The following C8orf34 variants were observed in gnomAD, a reference collection of about 807,000 sequenced individuals.
C8orf34 encodes uncharacterized protein C8orf34.
Under a neutral mutation model 68.3 loss-of-function variants are expected in C8orf34, and 65 were observed. The observed-to-expected ratio is 0.95, with a 90% confidence interval of 0.78 to 1.17. The LOEUF (loss-of-function observed/expected upper bound fraction) is 1.17. C8orf34 is among the 50% of genes most tolerant of loss of function. The probability of loss-of-function intolerance (pLI) is 0.00; values close to 1 mark genes in which losing one functional copy is unlikely to be tolerated. For synonymous variants in C8orf34, 244 were observed against 241.2 expected (o/e 1.01, Z -0.11); for missense variants, 664 against 655.4 (o/e 1.01, Z -0.14).
chr8:68,347,896 C>T (rs1356865674), intron 1 of C8orf34, among the ~76,000 whole-genome samples: 2 of 151,888 alleles, frequency 1.3e-5, no homozygotes, highest in Non-Finnish European at 2.9e-5. Flanking sequence ...AATATTTTCT[C>T]CCCGCTCTGT....
At chr8:68,716,045 C>T (rs1419555244) in intron 9 of C8orf34, among the ~76,000 whole-genome samples, 1 of 151,928 alleles carries the variant, frequency 6.6e-6, no homozygotes, top group Admixed American at 6.6e-5. Flanking sequence ...GACTATTATT[C>T]TAAGGAGAGT....
At chr8:68,583,974 CT>C (rs1817137426) in intron 7 of C8orf34, among the ~76,000 whole-genome samples, 1 of 151,874 alleles carries the variant, frequency 6.6e-6, no homozygotes, top group Non-Finnish European at 1.5e-5. Flanking sequence ...TCAAAAAAGT[CT>C]GGTTATATCT....
Position 68,690,182 on chromosome 8 carries a change from T to C in C8orf34, c.1242-18812T>C, listed in dbSNP as rs1037061466. Among the ~76,000 whole-genome samples the C allele has an allele frequency of 4.6e-5, 7 of 151,958 alleles. No individual in the cohort carries two copies. The East Asian group carries it at 1.2e-3, about 25-fold the overall frequency. On this transcript the variant is annotated intron_variant, in intron 8 of 13. Transcript: ENST00000518698. ...TTCTGCCTATATTATTGGAGTGAAATAATTATCCTGTTTTTATAGTTTTTT... is the reference window on the plus strand; with the variant it reads ...TTCTGCCTATATTATTGGAGTGAAACAATTATCCTGTTTTTATAGTTTTTT...
At chr8:68,356,712 A>T (rs1431437556) in intron 1 of C8orf34, among the ~76,000 whole-genome samples, 2 of 152,170 alleles carry the variant, frequency 1.3e-5, no homozygotes, top group Non-Finnish European at 2.9e-5. Context: ...GTTCTTAGCA[A>T]CAATAAAAAC....
At chr8:68,697,147 C>T (rs369881782) in intron 8 of C8orf34, among the ~76,000 whole-genome samples, 3 of 151,798 alleles carry the variant, frequency 2.0e-5, no homozygotes, top group South Asian at 2.1e-4. Context: ...ATTTTTATAT[C>T]GGGTATATTT....
intron 7 of C8orf34, among the ~76,000 whole-genome samples, chr8:68,538,013 A>T (rs979052367): frequency 1.3e-5 from 2 of 152,172 alleles, no homozygotes; most frequent in African/African-American, 4.8e-5. Context: ...TGAAAATGAA[A>T]TCTAAACCCA....
chr8:68,553,398 A>C (rs1246667397), intron 7 of C8orf34, among the ~76,000 whole-genome samples: 10 of 150,674 alleles, frequency 6.6e-5, no homozygotes, highest in East Asian at 1.9e-4. Context: ...AAAAAAAAAA[A>C]AAAAAAAAAA....
chr8:68,407,741 C>T (rs1809261569), intron 1 of C8orf34, among the ~76,000 whole-genome samples: 1 of 152,070 alleles, frequency 6.6e-6, no homozygotes, highest in South Asian at 2.1e-4. Flanking sequence ...TTAATTTATA[C>T]TTTCCCATTT....
intron 1 of C8orf34, among the ~76,000 whole-genome samples, chr8:68,372,553 C>T (rs927676859): frequency 2.7e-4 from 41 of 152,164 alleles, no homozygotes; most frequent in African/African-American, 9.2e-4. Flanking sequence ...GGAGTAAGTC[C>T]CTCCTCTCCT....
At chr8:68,371,147 T>G (rs1361512909) in intron 1 of C8orf34, among the ~76,000 whole-genome samples, 1 of 152,166 alleles carries the variant, frequency 6.6e-6, no homozygotes, top group African/African-American at 2.4e-5. Flanking sequence ...GGGTCCAAGA[T>G]TTTCAGTTTC....
intron 10 of C8orf34, among the ~76,000 whole-genome samples, chr8:68,772,751 C>CTCCTTCCTTCTTTCCT (rs1232283748): frequency 7.7e-6 from 1 of 129,318 alleles, no homozygotes; most frequent in Non-Finnish European, 1.6e-5. Flanking sequence ...CTCTCTTTCT[C>CTCCTTCCTTCTTTCCT]TCCTTCCTTC....
intron 3 of C8orf34, among the ~76,000 whole-genome samples, chr8:68,465,019 C>G (rs1293993686): frequency 1.3e-5 from 2 of 150,360 alleles, no homozygotes; most frequent in South Asian, 2.1e-4. Flanking sequence ...AGGCAACCTA[C>G]AAAATGGGAG....
At chr8:68,395,398 AAC>A (rs1808661519) in intron 1 of C8orf34, among the ~76,000 whole-genome samples, 4 of 136,626 alleles carry the variant, frequency 2.9e-5, no homozygotes, top group African/African-American at 1.1e-4. Context: ...CACACACACA[AAC>A]ACACACACAT....
intron 7 of C8orf34, among the ~76,000 whole-genome samples, chr8:68,569,500 A>T (rs1816700002): frequency 6.7e-6 from 1 of 150,160 alleles, no homozygotes; most frequent in South Asian, 2.1e-4. Context: ...TAGCTGGGAC[A>T]CTGCCCCATG....
intron 1 of C8orf34, among the ~76,000 whole-genome samples, chr8:68,343,120 A>G (rs1806138340): frequency 9.2e-5 from 14 of 152,232 alleles, no homozygotes; most frequent in Admixed American, 7.9e-4. Context: ...ACTCCCTCTA[A>G]TAATCTAAAT....
intron 10 of C8orf34, among the ~76,000 whole-genome samples, chr8:68,772,491 C>T (rs1351649820): frequency 2.0e-5 from 3 of 152,184 alleles, no homozygotes; most frequent in Non-Finnish European, 4.4e-5. Flanking sequence ...CTCTGACAGG[C>T]ATAGTCCCAT....
intron 8 of C8orf34, among the ~76,000 whole-genome samples, chr8:68,664,775 T>G (rs573709321): frequency 1.3e-5 from 2 of 152,176 alleles, no homozygotes; most frequent in Admixed American, 1.3e-4. Context: ...TCTGGCTGCA[T>G]TCATGAGAGG....
At position 68,564,338 on chromosome 8, in the gene C8orf34, A is replaced by G. The variant is rs553489822; in HGVS notation, c.1105+31189A>G. 2.0e-5 allele frequency among the ~76,000 whole-genome samples: 3 copies of G among 152,356 alleles called. No individual in the cohort carries two copies. The South Asian group carries it at 6.2e-4, about 32-fold the overall frequency. On this transcript the variant is annotated intron_variant, in intron 7 of 13. Coordinates refer to ENST00000518698, the MANE Select transcript of C8orf34 (RefSeq NM_052958.4). ...TTGTAACTTCAGCTTATTGAAACAG[A>G]TAAGATGGGAGAGAAACTCTGAGAG...
chr8:68,465,405 G>A (rs1468447078), intron 3 of C8orf34, among the ~76,000 whole-genome samples: 1 of 149,140 alleles, frequency 6.7e-6, no homozygotes. Context: ...ATTCCTCAGG[G>A]ATCTAGAACT....
Sources: gnomAD v4.1 joint callset for allele counts (sites outside exome capture counted in the v4.1 genomes callset) on GRCh38, gnomAD v4.1.1 for gene constraint, MANE v1.5 for transcripts, NCBI Gene and HGNC (gene_info 2026-07-23, HGNC 2026-07-21) for gene names.